The following CNTN6 variants were observed in gnomAD, a reference collection of about 807,000 sequenced individuals.
The protein encoded by CNTN6 is contactin-6.
Under a neutral mutation model 122.8 loss-of-function variants are expected in CNTN6, and 137 were observed. The ratio of observed to expected loss-of-function variants is 1.12; its 90% confidence interval spans 0.97 to 1.29. CNTN6 has a LOEUF of 1.29. Among genes scored for constraint, CNTN6 ranks in the 50% most tolerant of loss-of-function variants. The probability of loss-of-function intolerance (pLI) is 0.00; values close to 1 mark genes in which losing one functional copy is unlikely to be tolerated. For missense variants in CNTN6, 1,634 were observed against 1,223.4 expected, an observed-to-expected ratio of 1.34 and a Z score of -5.01; for synonymous variants, 570 against 426.0, an observed-to-expected ratio of 1.34 and a Z score of -4.16.
At chr3:1,363,264 T>C (rs1233884581) in intron 12 of CNTN6, among the ~76,000 whole-genome samples, 1 of 151,940 alleles carries the variant, frequency 6.6e-6, no homozygotes, top group Non-Finnish European at 1.5e-5. Context: ...ATCTAAACTC[T>C]TGGAAAGTTC....
intron 12 of CNTN6, among the ~76,000 whole-genome samples, chr3:1,359,396 A>C (rs1707118619): frequency 6.6e-6 from 1 of 152,088 alleles, no homozygotes; most frequent in South Asian, 2.1e-4. Context: ...TCATTTAGAC[A>C]TCTCAACTTT....
chr3:1,171,580 C>G (rs561664179), intron 2 of CNTN6, among the ~76,000 whole-genome samples: 2 of 152,232 alleles, frequency 1.3e-5, no homozygotes, highest in Non-Finnish European at 2.9e-5. Context: ...TCCACTGGAG[C>G]AAAAGTACCT....
chr3:1,377,420 G>T (rs1312126800), intron 17 of CNTN6, among the ~76,000 whole-genome samples: 1 of 152,126 alleles, frequency 6.6e-6, no homozygotes, highest in East Asian at 1.9e-4. Flanking sequence ...GAGCCCAGTA[G>T]ACTGTAGGCA....
At chr3:1,333,818 A>G (rs1483779551) in intron 11 of CNTN6, among the ~76,000 whole-genome samples, 1 of 152,136 alleles carries the variant, frequency 6.6e-6, no homozygotes, top group Non-Finnish European at 1.5e-5. Flanking sequence ...TCACACAGCT[A>G]ATAAGTGAAG....
intron 1 of CNTN6, among the ~76,000 whole-genome samples, chr3:1,109,900 TTTAA>T (rs2125011245): frequency 6.6e-6 from 1 of 152,238 alleles, no homozygotes; most frequent in Admixed American, 6.6e-5. Context: ...TTTTTAAGTC[TTTAA>T]TTATTTTTAC....
At chr3:1,107,894 A>G (rs983840865) in intron 1 of CNTN6, among the ~76,000 whole-genome samples, 1 of 151,992 alleles carries the variant, frequency 6.6e-6, no homozygotes, top group Non-Finnish European at 1.5e-5. Context: ...AAAATAAATC[A>G]CCCGAAATTA....
At chr3:1,306,204 T>C (rs1375399718) in intron 7 of CNTN6, among the ~76,000 whole-genome samples, 1 of 152,210 alleles carries the variant, frequency 6.6e-6, no homozygotes, top group Non-Finnish European at 1.5e-5. Context: ...TTCCTAGGCA[T>C]AGTTTACCCC....
chr3:1,291,125 C>T (rs892519283), intron 5 of CNTN6, among the ~76,000 whole-genome samples: 1 of 152,166 alleles, frequency 6.6e-6, no homozygotes, highest in Non-Finnish European at 1.5e-5. Flanking sequence ...CTGCTCCTCC[C>T]ACATGTTATG....
intron 7 of CNTN6, among the ~76,000 whole-genome samples, chr3:1,304,927 G>A (rs532981155): frequency 1.4e-5 from 2 of 146,642 alleles, no homozygotes; most frequent in South Asian, 2.2e-4. Context: ...GAGGGTGGAA[G>A]TTGCAGTGAG....
At chr3:1,282,258 G>A (rs1223323431) in intron 5 of CNTN6, among the ~76,000 whole-genome samples, 1 of 138,714 alleles carries the variant, frequency 7.2e-6, no homozygotes, top group Non-Finnish European at 1.6e-5. Context: ...GGCCTTCTGT[G>A]GATGCTTTCC....
intron 2 of CNTN6, among the ~76,000 whole-genome samples, chr3:1,207,970 C>G (rs2093980643): frequency 6.6e-6 from 1 of 151,926 alleles, no homozygotes; most frequent in South Asian, 2.1e-4. Flanking sequence ...TGCCTCTTTC[C>G]TCACATCAAA....
intron 7 of CNTN6, among the ~76,000 whole-genome samples, chr3:1,321,117 T>C (rs1189340583): frequency 1.3e-5 from 2 of 151,548 alleles, no homozygotes; most frequent in Admixed American, 1.3e-4. Flanking sequence ...ACCTCACCCA[T>C]CCCATGTCTT....
chr3:1,135,066 T>C (rs2092438069), intron 1 of CNTN6, among the ~76,000 whole-genome samples: 1 of 152,136 alleles, frequency 6.6e-6, no homozygotes, highest in South Asian at 2.1e-4. Flanking sequence ...TCATGTATTT[T>C]GCAAAAATAA....
chr3:1,329,097 A>C (rs190909644), intron 10 of CNTN6, among the ~76,000 whole-genome samples: 1 of 151,368 alleles, frequency 6.6e-6, no homozygotes, highest in African/African-American at 2.4e-5. Context: ...ATATATGTGT[A>C]TATACGTATA....
At chr3:1,277,938 CT>C (rs921573883) in intron 4 of CNTN6, among the ~76,000 whole-genome samples, 1 of 152,106 alleles carries the variant, frequency 6.6e-6, no homozygotes, top group African/African-American at 2.4e-5. Flanking sequence ...TGAAAATACA[CT>C]TTTTGTCTCA....
Position 1,290,798 on chromosome 3 carries a change from G to A in CNTN6, c.455-4803G>A, listed in dbSNP as rs573614160. 3.9e-5 allele frequency among the ~76,000 whole-genome samples: 6 copies of A among 152,244 alleles called. No individual in the cohort carries two copies. The East Asian group carries it at 5.8e-4, about 15-fold the overall frequency. On this transcript the variant is annotated intron_variant, in intron 5 of 22. Coordinates refer to ENST00000446702, the MANE Select transcript of CNTN6 (RefSeq NM_001289080.2). Reference sequence around the variant, plus strand: ...GCTACCATGGCATTTATAAATTGTCGTGGCGCTAATGGGAGTGTAGCAGTG... The same window carrying A: ...GCTACCATGGCATTTATAAATTGTCATGGCGCTAATGGGAGTGTAGCAGTG...
At chr3:1,275,205 A>T (rs1029048720) in intron 4 of CNTN6, among the ~76,000 whole-genome samples, 3 of 152,084 alleles carry the variant, frequency 2.0e-5, no homozygotes, top group African/African-American at 7.2e-5. Flanking sequence ...CATTGATTTC[A>T]GCATAGTGGC....
intron 16 of CNTN6, among the ~76,000 whole-genome samples, chr3:1,376,219 G>A (rs1025333693): frequency 6.6e-6 from 1 of 152,012 alleles, no homozygotes; most frequent in South Asian, 2.1e-4. Flanking sequence ...TTCTCGTGAG[G>A]CACTACAATA....
intron 12 of CNTN6, among the ~76,000 whole-genome samples, chr3:1,366,383 G>C (rs1575885053): frequency 6.6e-6 from 1 of 152,084 alleles, no homozygotes; most frequent in African/African-American, 2.4e-5. Flanking sequence ...TAAATACCGA[G>C]AAGTGTTTCA....
Sources: allele counts gnomAD v4.1 joint callset (sites outside exome capture counted in the v4.1 genomes callset), GRCh38; gene constraint gnomAD v4.1.1; transcripts MANE v1.5; gene names NCBI Gene and HGNC (gene_info 2026-07-23, HGNC 2026-07-21).